The following NXPH1 variants were observed in gnomAD, a reference collection of about 807,000 sequenced individuals.
The protein encoded by NXPH1 is neurexophilin-1.
In NXPH1, 5 loss-of-function variants were observed where a neutral mutation model predicts 23.7. The observed-to-expected ratio is 0.21, with a 90% CI of 0.11 to 0.44. The LOEUF (loss-of-function observed/expected upper bound fraction) is 0.44, where lower values mean the gene tolerates loss of function less well. Ranked by LOEUF, NXPH1 falls within the 20% of genes least tolerant of loss-of-function variation. The pLI is 0.99. For synonymous variants in NXPH1, 144 were observed against 122.2 expected (o/e 1.18, Z -1.18); for missense variants, 324 against 321.6 (o/e 1.01, Z -0.06).
In NXPH1 at chr7:8,710,640, G is replaced by GGTTTTTTTTTTTTTTTTTTT; in HGVS notation, c.55-40368_55-40367insGTTTTTTTTTTTTTTTTTTT. On this transcript the variant is annotated intron_variant, in intron 2 of 2. Coordinates refer to ENST00000405863, the MANE Select transcript of NXPH1 (RefSeq NM_152745.3). The stretch of plus-strand genomic sequence containing the variant: ...TTGAACAAAGCATGTCAACTGTTAC[G>GGTTTTTTTTTTTTTTTTTTT]TTTTTTGTTTTTTTTTTTTTTTTTT... Among the ~76,000 whole-genome samples, 15 of 27,672 alleles carry GGTTTTTTTTTTTTTTTTTTT rather than the reference G, an allele frequency of 5.4e-4. 7 individuals are homozygous for GGTTTTTTTTTTTTTTTTTTT. The highest frequency in any genetic ancestry group is 4.3e-3 in the East Asian group (2 of 470). 18.2% of individuals were successfully genotyped at this position (27,672 alleles called of 152,430 possible). A position where few individuals can be genotyped will look rare whatever the true frequency, so the allele number is the denominator to read the frequency against.
intron 2 of NXPH1, among the ~76,000 whole-genome samples, chr7:8,544,882 C>T (rs1818176232): frequency 6.6e-6 from 1 of 151,546 alleles, no homozygotes; most frequent in Non-Finnish European, 1.5e-5. Context: ...TTGTTATATG[C>T]AATGTCTTAT....
chr7:8,470,473 AT>A (rs1816855333), intron 2 of NXPH1, among the ~76,000 whole-genome samples: 1 of 152,104 alleles, frequency 6.6e-6, no homozygotes, highest in Non-Finnish European at 1.5e-5. Flanking sequence ...AGAAATTCAT[AT>A]TTTGCTTGAA....
chr7:8,665,000 T>C (rs182084077), intron 2 of NXPH1, among the ~76,000 whole-genome samples: 3 of 152,182 alleles, frequency 2.0e-5, no homozygotes, highest in Non-Finnish European at 2.9e-5. Flanking sequence ...AATTCTTTCC[T>C]TTGCTGTCAT....
At chr7:8,734,552 AG>A in intron 2 of NXPH1, among the ~76,000 whole-genome samples, 1 of 152,138 alleles carries the variant, frequency 6.6e-6, no homozygotes, top group South Asian at 2.1e-4. Flanking sequence ...TATTTCCTTG[AG>A]CAGTGATTTG....
At position 8,636,457 on chromosome 7, in the gene NXPH1, A is replaced by G. The variant is rs555809430; in HGVS notation, c.55-114551A>G. ...CCCCATATTAATAGGTAAAAGAACT[A>G]GCAGCACATGCCTACAGCCCATAAT... On this transcript the variant is annotated intron_variant, in intron 2 of 2. Coordinates refer to ENST00000405863, the MANE Select transcript of NXPH1 (RefSeq NM_152745.3). 2.6e-4 allele frequency among the ~76,000 whole-genome samples: 40 copies of G among 152,356 alleles called. No individual in the cohort carries two copies. In the South Asian group the frequency reaches 5.8e-3, roughly 22 times the overall value.
At chr7:8,505,829 G>T (rs1817513095) in intron 2 of NXPH1, among the ~76,000 whole-genome samples, 2 of 152,052 alleles carry the variant, frequency 1.3e-5, no homozygotes, top group Admixed American at 1.3e-4. Flanking sequence ...GCATGCAGGT[G>T]TTTCTGTGTT....
At chr7:8,673,665 G>T (rs1206393092) in intron 2 of NXPH1, among the ~76,000 whole-genome samples, 1 of 152,114 alleles carries the variant, frequency 6.6e-6, no homozygotes, top group Non-Finnish European at 1.5e-5. Flanking sequence ...TAGTTTGTGT[G>T]TGTGTGCATG....
At chr7:8,700,485 C>T (rs1224441831) in intron 2 of NXPH1, among the ~76,000 whole-genome samples, 1 of 152,024 alleles carries the variant, frequency 6.6e-6, no homozygotes, top group Non-Finnish European at 1.5e-5. Flanking sequence ...AATGCTTTAC[C>T]TCTTTGGCCT....
At chr7:8,475,026 T>C (rs1188490900) in intron 2 of NXPH1, among the ~76,000 whole-genome samples, 4 of 152,228 alleles carry the variant, frequency 2.6e-5, no homozygotes, top group African/African-American at 7.2e-5. Context: ...TCACCCCTAC[T>C]TGTGGGAGGC....
intron 2 of NXPH1, among the ~76,000 whole-genome samples, chr7:8,687,316 G>C (rs749391653): frequency 6.6e-6 from 1 of 152,080 alleles, no homozygotes; most frequent in Non-Finnish European, 1.5e-5. Flanking sequence ...CTCCAAGAAG[G>C]AGGAGTGCTA....
intron 2 of NXPH1, among the ~76,000 whole-genome samples, chr7:8,675,976 T>G (rs138443786): frequency 1.8e-3 from 267 of 152,282 alleles, no homozygotes; most frequent in African/African-American, 6.3e-3. Context: ...TTCTATACTG[T>G]TTGGCTGTGT....
intron 2 of NXPH1, among the ~76,000 whole-genome samples, chr7:8,697,572 G>GTC (rs1166779978): frequency 6.6e-6 from 1 of 152,088 alleles, no homozygotes; most frequent in African/African-American, 2.4e-5. Flanking sequence ...AACTTGGTGT[G>GTC]TCTCTTTTTT....
intron 2 of NXPH1, among the ~76,000 whole-genome samples, chr7:8,446,729 C>T (rs78251779): frequency 0.015 from 2,332 of 152,116 alleles, 60 homozygotes; most frequent in African/African-American, 0.053. Flanking sequence ...CTAAGAAATG[C>T]CATAAATTCC....
intron 2 of NXPH1, among the ~76,000 whole-genome samples, chr7:8,615,374 G>C (rs2128630351): frequency 6.6e-6 from 1 of 152,098 alleles, no homozygotes; most frequent in African/African-American, 2.4e-5. Flanking sequence ...AAAATGTAAT[G>C]ATACAAACCT....
At chr7:8,437,296 A>G (rs1156517565) in intron 2 of NXPH1, among the ~76,000 whole-genome samples, 3 of 149,932 alleles carry the variant, frequency 2.0e-5, no homozygotes, top group Non-Finnish European at 3.0e-5. Context: ...GCCCACTGAC[A>G]TTGAGAGACC....
At chr7:8,588,813 T>G (rs901361894) in intron 2 of NXPH1, among the ~76,000 whole-genome samples, 2 of 152,126 alleles carry the variant, frequency 1.3e-5, no homozygotes, top group Non-Finnish European at 2.9e-5. Flanking sequence ...TGGGTTGACA[T>G]GGACAGGGTG....
chr7:8,509,797 C>A (rs957294293), intron 2 of NXPH1, among the ~76,000 whole-genome samples: 1 of 152,094 alleles, frequency 6.6e-6, no homozygotes, highest in Non-Finnish European at 1.5e-5. Context: ...AAAGCAAAAC[C>A]AATGTGAAAA....
chr7:8,513,653 A>G (rs1393619392), intron 2 of NXPH1, among the ~76,000 whole-genome samples: 3 of 152,072 alleles, frequency 2.0e-5, no homozygotes, highest in Non-Finnish European at 4.4e-5. Flanking sequence ...GGAACAAGGA[A>G]CATTTGGAGA....
intron 2 of NXPH1, among the ~76,000 whole-genome samples, chr7:8,568,215 G>A (rs1430956257): frequency 2.6e-5 from 4 of 151,802 alleles, no homozygotes; most frequent in African/African-American, 9.7e-5. Context: ...CAAGATGGTG[G>A]AATTTTATTT....
Sources: gnomAD v4.1 joint callset for allele counts (sites outside exome capture counted in the v4.1 genomes callset) on GRCh38, gnomAD v4.1.1 for gene constraint, MANE v1.5 for transcripts, NCBI Gene and HGNC (gene_info 2026-07-23, HGNC 2026-07-21) for gene names.